SCOC: variants seen among roughly 807,000 people sequenced by gnomAD.
The protein encoded by SCOC is short coiled coil protein.
In SCOC, 7 loss-of-function variants were observed where a neutral mutation model predicts 9.9. The observed-to-expected ratio is 0.71, with a 90% CI of 0.40 to 1.33. SCOC has a LOEUF of 1.33. SCOC is among the 40% of genes most tolerant of loss of function. The pLI, the probability that SCOC is intolerant of heterozygous loss-of-function variation, is 0.01. For missense variants in SCOC, 66 were observed against 89.7 expected, an observed-to-expected ratio of 0.74 and a Z score of 1.07; for synonymous variants, 19 against 28.2, an observed-to-expected ratio of 0.67 and a Z score of 1.03.
chr4:140,337,882 G>C (rs1179811585), intron 1 of SCOC, among the ~76,000 whole-genome samples: 1 of 152,102 alleles, frequency 6.6e-6, no homozygotes, highest in Non-Finnish European at 1.5e-5. Flanking sequence ...AGGAGGAGCT[G>C]GTACCATTCC....
chr4:140,334,460 A>C, intron 1 of SCOC, among the ~76,000 whole-genome samples: 1 of 152,262 alleles, frequency 6.6e-6, no homozygotes, highest in East Asian at 1.9e-4. Flanking sequence ...TAAATGACAT[A>C]TAATTTAAAT....
At chr4:140,369,896 T>A (rs1235387344), upstream of SCOC, among the ~76,000 whole-genome samples, 3 of 75,276 alleles carry the variant, frequency 4.0e-5, no homozygotes, top group Non-Finnish European at 5.2e-5. Flanking sequence ...TTTTTTTTTT[T>A]AGATGGAGTT....
chr4:140,360,841 A>C (rs1479920693), intron 2 of SCOC: 5 of 152,180 alleles, frequency 3.3e-5, no homozygotes, highest in Non-Finnish European at 7.4e-5. Context: ...TTTAATAAAA[A>C]ATGTTTTTAT....
At chr4:140,259,607 G>T (rs894037784) in intron 1 of SCOC, among the ~76,000 whole-genome samples, 3 of 152,196 alleles carry the variant, frequency 2.0e-5, no homozygotes, top group Non-Finnish European at 4.4e-5. Context: ...TACTCAGGAG[G>T]CTGAGGTGGG....
At chr4:140,377,013 G>A (rs1265700932) in intron 1 of SCOC, among the ~76,000 whole-genome samples, 3 of 152,154 alleles carry the variant, frequency 2.0e-5, no homozygotes, top group Non-Finnish European at 4.4e-5. Context: ...GAAATTTGAA[G>A]CACTTTTAAT....
chr4:140,294,459 C>T (rs1731563974), intron 1 of SCOC, among the ~76,000 whole-genome samples: 1 of 152,110 alleles, frequency 6.6e-6, no homozygotes, highest in Non-Finnish European at 1.5e-5. Context: ...TATCTAAATA[C>T]CCAATTCATT....
intron 1 of SCOC, among the ~76,000 whole-genome samples, chr4:140,262,609 G>T (rs1467061238): frequency 6.6e-6 from 1 of 152,140 alleles, no homozygotes; most frequent in Non-Finnish European, 1.5e-5. Flanking sequence ...CGAGGTGGGG[G>T]AAGAAATAGC....
chr4:140,378,426 T>G (rs895125567), intron 1 of SCOC, among the ~76,000 whole-genome samples: 2 of 152,148 alleles, frequency 1.3e-5, no homozygotes, highest in African/African-American at 4.8e-5. Flanking sequence ...TACACATTTT[T>G]TCATGTAGTA....
At chr4:140,345,386 C>G (rs1252892107) in intron 2 of SCOC, among the ~76,000 whole-genome samples, 3 of 152,158 alleles carry the variant, frequency 2.0e-5, no homozygotes, top group African/African-American at 4.8e-5. Context: ...TCTGCTGTTT[C>G]CATATTTCAA....
intron 1 of SCOC, among the ~76,000 whole-genome samples, chr4:140,279,230 A>C (rs1177594681): frequency 6.6e-6 from 1 of 152,180 alleles, no homozygotes; most frequent in East Asian, 1.9e-4. Context: ...GAGCTCAGGA[A>C]AGCCTTTGCA....
intron 2 of SCOC, among the ~76,000 whole-genome samples, chr4:140,346,461 C>T (rs2126518587): frequency 6.6e-6 from 1 of 152,294 alleles, no homozygotes; most frequent in African/African-American, 2.4e-5. Context: ...CTTTTACCTC[C>T]ATCGCCTCCC....
intron 3 of SCOC, among the ~76,000 whole-genome samples, chr4:140,380,755 G>T (rs185751264): frequency 4.6e-5 from 7 of 152,236 alleles, no homozygotes; most frequent in Admixed American, 3.3e-4. Flanking sequence ...TATTTATGAA[G>T]AATAGCATTT....
In SCOC at chr4:140,381,288, A is replaced by C; in HGVS notation, c.*184A>C. ...ATAAGTTTGTGTATTATGTTAGTCT[A>C]TGAAAACGTGCAAATGTATTGTAGA... On this transcript the variant is annotated 3_prime_UTR_variant, in exon 4 of 4. Coordinates refer to ENST00000608372, the MANE Select transcript of SCOC (RefSeq NM_001153484.2). 2.0e-6 allele frequency: 1 copy of C among 507,578 alleles called. No individual in the cohort carries two copies. The highest frequency in any genetic ancestry group is 2.0e-5 in the African/African-American group (1 of 49,922). 31.4% of individuals were successfully genotyped at this position (507,578 alleles called of 1,614,324 possible). A position where few individuals can be genotyped will look rare whatever the true frequency, so the allele number is the denominator to read the frequency against.
chr4:140,338,120 C>T (rs1346718266), intron 1 of SCOC, among the ~76,000 whole-genome samples: 3 of 152,182 alleles, frequency 2.0e-5, no homozygotes, highest in Non-Finnish European at 2.9e-5. Flanking sequence ...GGGCTTCATC[C>T]CTGGGATGCA....
At chr4:140,377,104 T>G (rs1432106920) in intron 1 of SCOC, among the ~76,000 whole-genome samples, 1 of 152,244 alleles carries the variant, frequency 6.6e-6, no homozygotes. Context: ...TTTTGGCTGT[T>G]GCCTCTCTCA....
chr4:140,286,028 T>C (rs1731257381), intron 1 of SCOC, among the ~76,000 whole-genome samples: 1 of 151,866 alleles, frequency 6.6e-6, no homozygotes, highest in Non-Finnish European at 1.5e-5. Flanking sequence ...CTACTAAAAA[T>C]ACAAAAATTA....
At chr4:140,361,979 T>G (rs1264355355) in intron 2 of SCOC, among the ~76,000 whole-genome samples, 1 of 152,072 alleles carries the variant, frequency 6.6e-6, no homozygotes, top group Non-Finnish European at 1.5e-5. Context: ...GAGCTATTTC[T>G]TCTAAGGCTG....
chr4:140,343,728 C>T (rs751696767), intron 2 of SCOC: 3 of 1,562,596 alleles, frequency 1.9e-6, no homozygotes, highest in Admixed American at 3.3e-5. Context: ...AAATGGATAA[C>T]TTCTCAAACA....
intron 1 of SCOC, among the ~76,000 whole-genome samples, chr4:140,333,447 T>C (rs902113251): frequency 6.6e-6 from 1 of 152,192 alleles, no homozygotes; most frequent in Non-Finnish European, 1.5e-5. Context: ...AATCATTGTC[T>C]GCCTTCTCCA....
Sources: gnomAD v4.1 joint callset for allele counts (sites outside exome capture counted in the v4.1 genomes callset) on GRCh38, gnomAD v4.1.1 for gene constraint, MANE v1.5 for transcripts, NCBI Gene and HGNC (gene_info 2026-07-23, HGNC 2026-07-21) for gene names.